Variants in TSC22D3 observed in about 807,000 individuals in gnomAD.
The protein encoded by TSC22D3 is TSC22 domain family member 3, also known as TSC22 domain family protein 3.
In TSC22D3, 4 loss-of-function variants were observed where a neutral mutation model predicts 11.1. That is an observed-to-expected ratio of 0.36 (90% CI 0.18 to 0.83). The LOEUF (loss-of-function observed/expected upper bound fraction) is 0.83, where lower values mean the gene tolerates loss of function less well. Ranked by LOEUF, TSC22D3 falls within the 40% of genes least tolerant of loss-of-function variation. The probability of loss-of-function intolerance (pLI) is 0.48; values close to 1 mark genes in which losing one functional copy is unlikely to be tolerated. For missense variants in TSC22D3, 118 were observed against 159.4 expected (o/e 0.74, Z 1.40); for synonymous variants, 77 against 70.3 (o/e 1.10, Z -0.48).
At chrX:107,770,630 G>T (rs1230972784) in intron 1 of TSC22D3, among the ~76,000 whole-genome samples, 1 of 111,685 alleles carries the variant, frequency 9.0e-6, no homozygotes, top group Non-Finnish European at 1.9e-5. Context: ...ATCGGATTCA[G>T]AGTATTTCAG....
chrX:107,749,814 C>T (rs777106765), intron 1 of TSC22D3, among the ~76,000 whole-genome samples: 3 of 111,191 alleles, frequency 2.7e-5, no homozygotes, highest in Non-Finnish European at 5.7e-5. Flanking sequence ...GCCACAGCCT[C>T]GACGCTGGAG....
chrX:107,775,460 G>A lies in TSC22D3; in HGVS notation c.-41C>T. ...GGTCGCCTGGCCTGCGAGGTCAGGG[G>A]CGGCTGGCAGGTGCGCGCCCACCGA... is the stretch of plus-strand genomic sequence containing the variant. On this transcript the variant is annotated 5_prime_UTR_variant, in exon 1 of 3. Coordinates refer to ENST00000372383, the MANE Select transcript of TSC22D3 (RefSeq NM_198057.3). 9.0e-7 allele frequency: 1 copy of A among 1,109,297 alleles called. No individual in the cohort carries two copies. Among genetic ancestry groups the A allele is most frequent in the Non-Finnish European group, 1.2e-6 (1 of 834,901 alleles). The allele number at this position is 1,109,297 out of a possible 1,213,427, so 91.4% of individuals were successfully genotyped here. A position where few individuals can be genotyped will look rare whatever the true frequency, so the allele number is the denominator to read the frequency against.
At chrX:107,736,371 A>T (rs1212488746) in intron 1 of TSC22D3, among the ~76,000 whole-genome samples, 2 of 111,312 alleles carry the variant, frequency 1.8e-5, no homozygotes, top group Non-Finnish European at 3.8e-5. Flanking sequence ...CCACTACACC[A>T]CAATGCAGCA....
At chrX:107,766,710 G>C (rs62604139) in intron 1 of TSC22D3, among the ~76,000 whole-genome samples, 87 of 111,071 alleles carry the variant, frequency 7.8e-4, no homozygotes, top group Non-Finnish European at 1.1e-3. Flanking sequence ...GTGTGGGACC[G>C]GGTCAGGCTT....
At chrX:107,766,382 C>T (rs1285238045) in intron 1 of TSC22D3, among the ~76,000 whole-genome samples, 2 of 110,553 alleles carry the variant, frequency 1.8e-5, no homozygotes, top group Non-Finnish European at 3.8e-5. Flanking sequence ...TCTTGAAAGG[C>T]CTTCCTTTAA....
chrX:107,714,669 C>T lies in TSC22D3; in HGVS notation c.453G>A (p.Glu151=). The change falls in exon 3 of 3, where the codon GAG becomes GAA. Residue 151 remains glutamate, a synonymous_variant. Coordinates refer to ENST00000372383, the MANE Select transcript of TSC22D3 (RefSeq NM_198057.3). Reference sequence around the variant, plus strand: ...TCTCACGCTCTAGCTGGGAGTTCTTCTCCACCAGCTCTCGGATCTGCTCCT... The same window carrying T: ...TCTCACGCTCTAGCTGGGAGTTCTTTTCCACCAGCTCTCGGATCTGCTCCT... ...ILKEQIRELV[E]KNSQLERENT... 1 of 1,211,815 alleles carries T rather than the reference C, an allele frequency of 8.3e-7. No homozygotes were observed. Among genetic ancestry groups the T allele is most frequent in the Non-Finnish European group, 1.1e-6 (1 of 895,439 alleles).
At chrX:107,722,097 G>A in intron 1 of TSC22D3, 1 of 322,126 alleles carries the variant, frequency 3.1e-6, no homozygotes, top group East Asian at 4.6e-5. Flanking sequence ...CTTGTTCTCT[G>A]TGGATCATGT....
Position 107,720,733 on chromosome X carries a change from A to C in TSC22D3, c.321-4783T>G, listed in dbSNP as rs746457281. Among the ~76,000 whole-genome samples, 4 of 98,074 alleles carry C rather than the reference A, an allele frequency of 4.1e-5. No homozygotes were observed. The South Asian group carries it at 2.5e-3, about 63-fold the overall frequency. 85.2% of individuals were successfully genotyped at this position (98,074 alleles called of 115,157 possible). ...AAGAAAAGAAAAAAGATTTTCCAACAACAAGGGCAGGGGAGATAAGGGTGG... is the reference window on the plus strand; with the variant it reads ...AAGAAAAGAAAAAAGATTTTCCAACCACAAGGGCAGGGGAGATAAGGGTGG... On this transcript the variant is annotated intron_variant, in intron 1 of 2. Coordinates refer to ENST00000372383, the MANE Select transcript of TSC22D3 (RefSeq NM_198057.3).
At chrX:107,752,327 C>A (rs1928968983) in intron 1 of TSC22D3, among the ~76,000 whole-genome samples, 1 of 112,125 alleles carries the variant, frequency 8.9e-6, no homozygotes, top group Non-Finnish European at 1.9e-5. Context: ...ATCCAGAATT[C>A]ATACTAACCT....
intron 1 of TSC22D3, among the ~76,000 whole-genome samples, chrX:107,766,571 A>G (rs1929670369): frequency 9.4e-6 from 1 of 105,871 alleles, no homozygotes. Flanking sequence ...TGCACCACGC[A>G]GTTTCTTTAG....
chrX:107,726,353 G>C (rs1331999332), intron 1 of TSC22D3, among the ~76,000 whole-genome samples: 1 of 112,266 alleles, frequency 8.9e-6, no homozygotes, highest in Non-Finnish European at 1.9e-5. Context: ...CCAAGGCCTA[G>C]ACTTCCTGGT....
At chrX:107,726,504 C>T (rs760146056) in intron 1 of TSC22D3, among the ~76,000 whole-genome samples, 6 of 112,404 alleles carry the variant, frequency 5.3e-5, no homozygotes, top group East Asian at 2.8e-4. Context: ...ATAACATCCC[C>T]GGCCCTTGCC....
chrX:107,769,448 A>C (rs1345167725), intron 1 of TSC22D3, among the ~76,000 whole-genome samples: 1 of 111,714 alleles, frequency 9.0e-6, no homozygotes, highest in Non-Finnish European at 1.9e-5. Context: ...ATAGAGACAG[A>C]AAGTAGAATA....
At chrX:107,731,417 G>GC (rs1037993671) in intron 1 of TSC22D3, among the ~76,000 whole-genome samples, 14 of 111,828 alleles carry the variant, frequency 1.3e-4, no homozygotes, top group Middle Eastern at 4.6e-3. Context: ...ACCATTCTGG[G>GC]CCCATTTCCC....
intron 1 of TSC22D3, among the ~76,000 whole-genome samples, chrX:107,739,595 A>G (rs1286511770): frequency 8.9e-6 from 1 of 112,602 alleles, no homozygotes; most frequent in Non-Finnish European, 1.9e-5. Context: ...GAGGGAAGCC[A>G]GGAAGCCAGA....
In TSC22D3 at chrX:107,775,184, C is replaced by A; in HGVS notation, c.236G>T (p.Arg79Leu). 3.3e-6 allele frequency: 4 copies of A among 1,211,951 alleles called. No individual in the cohort carries two copies. Among genetic ancestry groups the A allele is most frequent in the Non-Finnish European group, 4.5e-6 (4 of 895,589 alleles). Residue 79 changes from arginine (R) to leucine (L), a missense_variant, in exon 1 of 3, where the codon CGG becomes CTG. By Grantham distance (102) the Arg-to-Leu change is moderately radical (BLOSUM62 -2). Transcript: ENST00000372383. ...MRQDSLEPVL[R>L]DPCYLINEGI... Reference sequence around the variant, plus strand: ...CTCGTTGATCAGGTAGCAGGGGTCCCGCAGCACCGGCTCTAGCGAATCCTG... The same window carrying A: ...CTCGTTGATCAGGTAGCAGGGGTCCAGCAGCACCGGCTCTAGCGAATCCTG...
At chrX:107,749,628 TA>T (rs1388483395) in intron 1 of TSC22D3, among the ~76,000 whole-genome samples, 2 of 111,543 alleles carry the variant, frequency 1.8e-5, no homozygotes, top group African/African-American at 6.5e-5. Context: ...ATCCAATTTA[TA>T]AAACAGACAA....
chrX:107,714,977 C>A lies in TSC22D3; in HGVS notation c.373-228G>T, dbSNP rs180781128. Among the ~76,000 whole-genome samples the A allele has an allele frequency of 2.1e-3, 235 of 111,739 alleles. 1 individual carries two copies. The highest frequency in any genetic ancestry group is 2.0e-3 in the Non-Finnish European group (104 of 53,088). On this transcript the variant is annotated intron_variant, in intron 2 of 2. Coordinates refer to ENST00000372383, the MANE Select transcript of TSC22D3 (RefSeq NM_198057.3). The stretch of plus-strand genomic sequence containing the variant: ...TTTGGCTTATGCTGGAGTTGAGAGC[C>A]CAGCTTTGAACTAGATAGGTTCTCC...
intron 1 of TSC22D3, among the ~76,000 whole-genome samples, chrX:107,756,264 T>C (rs1929170741): frequency 8.9e-6 from 1 of 112,461 alleles, no homozygotes; most frequent in Admixed American, 9.4e-5. Context: ...TTACTTAATA[T>C]TTACTGTAAA....
Sources: allele counts gnomAD v4.1 joint callset (sites outside exome capture counted in the v4.1 genomes callset), GRCh38; gene constraint gnomAD v4.1.1; transcripts MANE v1.5; gene names NCBI Gene and HGNC (gene_info 2026-07-23, HGNC 2026-07-21).